Variants in CD8B observed in about 807,000 individuals in gnomAD.
CD8B encodes the protein CD8 subunit beta.
A neutral mutation model predicts 24.2 loss-of-function variants in CD8B; 6 were observed. The observed-to-expected ratio is 0.25, with a 90% CI of 0.14 to 0.49. The LOEUF is 0.49. Ranked by LOEUF, CD8B falls within the 20% of genes least tolerant of loss-of-function variation. CD8B has a pLI of 0.98. For synonymous variants in CD8B, 84 were observed against 108.3 expected (o/e 0.78, Z 1.39); for missense variants, 196 against 271.3 (o/e 0.72, Z 1.95).
Position 86,840,685 on chromosome 2 carries a change from G to T in CD8B, c.*1622C>A, listed in dbSNP as rs1383216692. Among the ~76,000 whole-genome samples the T allele has an allele frequency of 6.6e-6, 1 of 152,182 alleles. No homozygotes were observed. The highest frequency in any genetic ancestry group is 2.4e-5 in the African/African-American group (1 of 41,430). On this transcript the variant is annotated 3_prime_UTR_variant, in exon 6 of 6. Transcript: ENST00000390655. ...CTCACTTCAATAAATTCTTCCTTTT[G>T]CTGCTTTTATTCCTTTATTACTTTG... is the stretch of plus-strand genomic sequence containing the variant.
At chr2:86,823,424 C>T (rs1276575320) in intron 5 of CD8B, among the ~76,000 whole-genome samples, 1 of 152,054 alleles carries the variant, frequency 6.6e-6, no homozygotes, top group East Asian at 1.9e-4. Context: ...GGACTACAGG[C>T]ACCCACCACG....
At position 86,839,798 on chromosome 2, in the gene CD8B, G is replaced by A. The variant is rs1353521265; in HGVS notation, c.*2509C>T. On this transcript the variant is annotated 3_prime_UTR_variant, in exon 6 of 6. Transcript: ENST00000390655. ...GGCCTTGTGGCCTGTTCTTACTTCC[G>A]CTGTGCACTGGGTGTGAGCCTTCAA... Among the ~76,000 whole-genome samples the A allele has an allele frequency of 8.5e-5, 13 of 152,236 alleles. No homozygotes were observed. Among genetic ancestry groups the A allele is most frequent in the Non-Finnish European group, 1.6e-4 (11 of 68,050 alleles).
chr2:86,844,669 G>C (rs528519899), intron 5 of CD8B: 31 of 1,482,530 alleles, frequency 2.1e-5, no homozygotes, highest in Non-Finnish European at 2.8e-5. Flanking sequence ...TTTAGATGGA[G>C]TCTCACTCTG....
Position 86,840,895 on chromosome 2 carries a change from T to C in CD8B, c.*1412A>G, listed in dbSNP as rs1286349584. ...CCCCTTCCCCAGAGTCGTCTTTCCT[T>C]TCCTGTTTTTTTTGTAACATTTCTT... On this transcript the variant is annotated 3_prime_UTR_variant, in exon 6 of 6. Transcript: ENST00000390655. 6.6e-6 allele frequency among the ~76,000 whole-genome samples: 1 copy of C among 152,162 alleles called. No homozygotes were observed. Among genetic ancestry groups the C allele is most frequent in the African/African-American group, 2.4e-5 (1 of 41,430 alleles).
intron 5 of CD8B, among the ~76,000 whole-genome samples, chr2:86,830,723 A>G (rs1674876106): frequency 6.6e-6 from 1 of 152,084 alleles, no homozygotes. Context: ...GAATGGTGGG[A>G]CCAGCCTGGA....
intron 5 of CD8B, among the ~76,000 whole-genome samples, chr2:86,828,030 G>A (rs1339330709): frequency 6.6e-6 from 1 of 152,196 alleles, no homozygotes; most frequent in Non-Finnish European, 1.5e-5. Flanking sequence ...TATCCTTATA[G>A]TGTTGCTTTC....
chr2:86,838,257 T>G lies in CD8B; in HGVS notation c.*4050A>C, dbSNP rs1440318134. Among the ~76,000 whole-genome samples the G allele has an allele frequency of 2.0e-5, 3 of 152,072 alleles. No individual in the cohort carries two copies. The highest frequency in any genetic ancestry group is 4.4e-5 in the Non-Finnish European group (3 of 68,014). On this transcript the variant is annotated 3_prime_UTR_variant, in exon 6 of 6. Coordinates refer to ENST00000390655, the MANE Select transcript of CD8B (RefSeq NM_004931.5). Reference sequence around the variant, plus strand: ...CACAAGGAACTGTACAAAGCAGAAGTGGAAATTCCGCAGAGTAACTGCAAT... The same window carrying G: ...CACAAGGAACTGTACAAAGCAGAAGGGGAAATTCCGCAGAGTAACTGCAAT...
At chr2:86,825,577 C>A (rs951640812) in intron 5 of CD8B, among the ~76,000 whole-genome samples, 3 of 152,306 alleles carry the variant, frequency 2.0e-5, no homozygotes, top group South Asian at 2.1e-4. Context: ...AGCACCCAGG[C>A]ACCTCTCAGG....
intron 2 of CD8B, among the ~76,000 whole-genome samples, chr2:86,853,459 C>A (rs1262738431): frequency 2.6e-5 from 4 of 151,924 alleles, no homozygotes; most frequent in African/African-American, 7.2e-5. Flanking sequence ...AATAAATGAA[C>A]AAATGAACAA....
chr2:86,832,696 G>A (rs1210475458), intron 5 of CD8B, among the ~76,000 whole-genome samples: 1 of 151,602 alleles, frequency 6.6e-6, no homozygotes, highest in Non-Finnish European at 1.5e-5. Flanking sequence ...GTTGAGCTTT[G>A]TAAGCTGCCC....
intron 2 of CD8B, among the ~76,000 whole-genome samples, chr2:86,856,301 C>A (rs1676248594): frequency 1.3e-5 from 2 of 152,124 alleles, no homozygotes; most frequent in South Asian, 4.1e-4. Context: ...TACCCTCCAC[C>A]TTCTCAGACT....
chr2:86,859,479 C>A (rs1252575190), intron 1 of CD8B, among the ~76,000 whole-genome samples: 1 of 152,162 alleles, frequency 6.6e-6, no homozygotes, highest in Non-Finnish European at 1.5e-5. Flanking sequence ...GTTGTCCTGC[C>A]TGCCTCTGAG....
intron 3 of CD8B, among the ~76,000 whole-genome samples, chr2:86,848,704 ATTT>A: frequency 1.3e-4 from 9 of 67,582 alleles, no homozygotes; most frequent in African/African-American, 8.0e-4. Flanking sequence ...TTTTTAAATT[ATTT>A]ATTTATTTAT....
At chr2:86,815,376 T>C (rs1674192763), downstream of CD8B, 1 of 467,388 alleles carries the variant, frequency 2.1e-6, no homozygotes, top group Non-Finnish European at 3.9e-6. Context: ...GTCTTTAGGA[T>C]TTTGGGCAAA....
chr2:86,832,146 G>A (rs1674925707), intron 5 of CD8B, among the ~76,000 whole-genome samples: 1 of 152,126 alleles, frequency 6.6e-6, no homozygotes, highest in Non-Finnish European at 1.5e-5. Context: ...AAATATCAGA[G>A]GAGAAAATAA....
Position 86,858,191 on chromosome 2 carries a change from A to G in CD8B, c.269T>C (p.Ile90Thr), listed in dbSNP as rs1424922092. 5 of 1,613,904 alleles carry G rather than the reference A, an allele frequency of 3.1e-6. No individual in the cohort carries two copies. The highest frequency in any genetic ancestry group is 2.7e-5 in the African/African-American group (2 of 74,932). ...CCGGCTTGCATCCCGAAACACAGCT[A>G]TCTTCTCCTGTTCCACCTCTTCACC... ...IHGEEVEQEK[I>T]AVFRDASRFI... Residue 90 changes from isoleucine to threonine, a missense_variant, in exon 2 of 6, where the codon ATA (isoleucine) becomes ACA (threonine). Ile to Thr is a moderately conservative substitution (Grantham distance 89). Coordinates refer to ENST00000390655, the MANE Select transcript of CD8B (RefSeq NM_004931.5).
At chr2:86,846,311 C>T (rs914391180) in intron 4 of CD8B, among the ~76,000 whole-genome samples, 7 of 152,236 alleles carry the variant, frequency 4.6e-5, no homozygotes, top group South Asian at 4.1e-4. Flanking sequence ...CAACTGCTCA[C>T]GTGAGTTCCC....
intron 2 of CD8B, among the ~76,000 whole-genome samples, chr2:86,856,227 G>T (rs1204341831): frequency 1.3e-5 from 2 of 152,204 alleles, no homozygotes; most frequent in African/African-American, 4.8e-5. Flanking sequence ...AAACACGGAA[G>T]TCAGGAGTGA....
rs371226997 is a variant in CD8B, at chr2:86,827,471, A to G, written c.621-11753T>C. 7.9e-5 allele frequency among the ~76,000 whole-genome samples: 12 copies of G among 152,142 alleles called. No individual in the cohort carries two copies. In the East Asian group the frequency reaches 2.3e-3, roughly 30 times the overall value. On this transcript the variant is annotated intron_variant, in intron 5 of 5. Coordinates refer to the CD8B transcript ENST00000331469. ...AAACCCCATCTCCACAAAAGTTAAA[A>G]AAATTAGCCAGGCATGGTGGCATGT...
Sources: gnomAD v4.1 joint callset for allele counts (sites outside exome capture counted in the v4.1 genomes callset) on GRCh38, gnomAD v4.1.1 for gene constraint, MANE v1.5 for transcripts, NCBI Gene and HGNC (gene_info 2026-07-23, HGNC 2026-07-21) for gene names.